Variants in SYN2 observed in about 807,000 individuals in gnomAD.
SYN2 encodes the protein synapsin II.
In SYN2, 19 loss-of-function variants were observed where a neutral mutation model predicts 50.9. The observed-to-expected ratio is 0.37, with a 90% CI of 0.26 to 0.55. The LOEUF (loss-of-function observed/expected upper bound fraction) is 0.55, where lower values mean the gene tolerates loss of function less well. Among genes scored for constraint, SYN2 ranks in the 20% least tolerant of loss-of-function variants. The pLI is 0.81. For missense variants in SYN2, 587 were observed against 576.4 expected, an observed-to-expected ratio of 1.02 and a Z score of -0.19; for synonymous variants, 255 against 224.9, an observed-to-expected ratio of 1.13 and a Z score of -1.20.
At chr3:12,045,441 T>C (rs1694714214) in intron 1 of SYN2, among the ~76,000 whole-genome samples, 1 of 152,204 alleles carries the variant, frequency 6.6e-6, no homozygotes, top group African/African-American at 2.4e-5. Flanking sequence ...AGTTTTTTTC[T>C]GGGTTAAATA....
intron 1 of SYN2, among the ~76,000 whole-genome samples, chr3:12,006,576 T>G (rs1011831123): frequency 1.3e-5 from 2 of 152,228 alleles, no homozygotes; most frequent in African/African-American, 2.4e-5. Flanking sequence ...GTAATATGTT[T>G]ACAATCATGT....
chr3:12,183,799 T>G (rs1265787091), intron 11 of SYN2: 6 of 1,040,274 alleles, frequency 5.8e-6, no homozygotes, highest in Non-Finnish European at 6.9e-6. Context: ...AGTAGGGGGG[T>G]GGACAGGGGA....
At chr3:12,108,070 C>T (rs939199570) in intron 1 of SYN2, among the ~76,000 whole-genome samples, 12 of 152,040 alleles carry the variant, frequency 7.9e-5, no homozygotes, top group African/African-American at 2.7e-4. Flanking sequence ...ATTAGCTGGG[C>T]ATGGTGGCAT....
chr3:12,033,526 T>C (rs1041100534), intron 1 of SYN2, among the ~76,000 whole-genome samples: 1 of 152,240 alleles, frequency 6.6e-6, no homozygotes, highest in South Asian at 2.1e-4. Context: ...AATTGAGATA[T>C]TATTTGCATA....
intron 1 of SYN2, among the ~76,000 whole-genome samples, chr3:12,078,800 T>G (rs566869042): frequency 7.9e-5 from 12 of 152,238 alleles, no homozygotes; most frequent in Non-Finnish European, 1.5e-4. Context: ...CTTGTTTGGT[T>G]TCATATGAAT....
At chr3:12,045,734 G>A (rs1170209770) in intron 1 of SYN2, among the ~76,000 whole-genome samples, 1 of 152,154 alleles carries the variant, frequency 6.6e-6, no homozygotes, top group African/African-American at 2.4e-5. Flanking sequence ...GAACTGATTT[G>A]TGTGCCCTGT....
chr3:12,191,191 G>C lies in SYN2; in HGVS notation c.*566G>C. On this transcript the variant is annotated 3_prime_UTR_variant, in exon 13 of 13. Transcript: ENST00000621198. ...GGCTGCTGTGGTGGTGAAGCACCTT[G>C]AGTCTGCTGATATTCGGGAGAACAA... 1.0e-6 allele frequency: 1 copy of C among 983,884 alleles called. No individual in the cohort carries two copies. 60.9% of individuals were successfully genotyped at this position (983,884 alleles called of 1,614,324 possible). A position where few individuals can be genotyped will look rare whatever the true frequency, so the allele number is the denominator to read the frequency against.
At chr3:12,142,129 T>G in intron 3 of SYN2, 133 bp downstream of exon 3, 1 of 606,942 alleles carries the variant, frequency 1.6e-6, no homozygotes, top group South Asian at 2.0e-5. Flanking sequence ...AATTTAATGA[T>G]GTGAGTTGTG....
Position 12,087,285 on chromosome 3 carries a change from C to T in SYN2, c.378-53366C>T, listed in dbSNP as rs1695723151. Among the ~76,000 whole-genome samples the T allele has an allele frequency of 2.0e-5, 3 of 152,010 alleles. 1 individual carries two copies. The South Asian group carries it at 6.2e-4, about 32-fold the overall frequency. ...TAATGTTGTTAAAATATCTGTATTA[C>T]CCAAAGTGTTCTACAGATTCAGTGT... On this transcript the variant is annotated intron_variant, in intron 1 of 12. Transcript: ENST00000621198.
At chr3:12,036,673 G>A (rs573205344) in intron 1 of SYN2, among the ~76,000 whole-genome samples, 2 of 152,252 alleles carry the variant, frequency 1.3e-5, no homozygotes, top group South Asian at 4.2e-4. Flanking sequence ...AATGCCTTCC[G>A]GGTCATTCTC....
intron 1 of SYN2, among the ~76,000 whole-genome samples, chr3:12,047,038 C>G (rs1260946835): frequency 6.6e-6 from 1 of 152,070 alleles, no homozygotes; most frequent in Admixed American, 6.5e-5. Flanking sequence ...TGTTCCATAT[C>G]AAGATGGAAA....
chr3:12,170,532 A>G (rs543627941), intron 10 of SYN2, among the ~76,000 whole-genome samples: 1 of 152,368 alleles, frequency 6.6e-6, no homozygotes, highest in East Asian at 1.9e-4. Context: ...TCCACACTAA[A>G]GTTTTGTGAA....
At chr3:12,184,043 C>T (rs2124835065) in intron 11 of SYN2, 1 of 986,214 alleles carries the variant, frequency 1.0e-6, no homozygotes, top group African/African-American at 1.7e-5. Context: ...TCTCCATTTG[C>T]TAAAATTTGG....
At chr3:12,137,190 G>T (rs1248056231) in intron 1 of SYN2, among the ~76,000 whole-genome samples, 1 of 151,052 alleles carries the variant, frequency 6.6e-6, no homozygotes, top group Non-Finnish European at 1.5e-5. Flanking sequence ...CGAGGCTACA[G>T]TGAGCTATGA....
chr3:12,114,005 C>A (rs1276936520), intron 1 of SYN2, among the ~76,000 whole-genome samples: 1 of 151,936 alleles, frequency 6.6e-6, no homozygotes. Context: ...GAGAAACTAC[C>A]AGACTGTTCT....
intron 1 of SYN2, among the ~76,000 whole-genome samples, chr3:12,105,537 A>G (rs1355649181): frequency 6.8e-6 from 1 of 147,708 alleles, no homozygotes; most frequent in Non-Finnish European, 1.5e-5. Context: ...AGCCCCTGAA[A>G]AGGAAAGAAA....
chr3:12,176,851 G>A (rs370577744), intron 10 of SYN2, among the ~76,000 whole-genome samples: 1 of 152,204 alleles, frequency 6.6e-6, no homozygotes, highest in Non-Finnish European at 1.5e-5. Flanking sequence ...TAGCAGACAG[G>A]TTTTGACCCA....
chr3:12,070,311 C>T (rs1166516218), intron 1 of SYN2: 15 of 501,586 alleles, frequency 3.0e-5, no homozygotes, highest in Non-Finnish European at 5.2e-5. Context: ...CCCCCTGAGC[C>T]GTGTTCCCCT....
intron 5 of SYN2, chr3:12,153,718 G>C: frequency 6.2e-7 from 1 of 1,614,168 alleles, no homozygotes; most frequent in Non-Finnish European, 8.5e-7. Context: ...GTGATCTAGA[G>C]TCATGGCCAC....
Sources: gnomAD v4.1 joint callset for allele counts (sites outside exome capture counted in the v4.1 genomes callset) on GRCh38, gnomAD v4.1.1 for gene constraint, MANE v1.5 for transcripts, NCBI Gene and HGNC (gene_info 2026-07-23, HGNC 2026-07-21) for gene names.